The following KALRN variants were observed in gnomAD, a reference collection of about 807,000 sequenced individuals.
KALRN encodes kalirin RhoGEF kinase.
In KALRN, 70 loss-of-function variants were observed where a neutral mutation model predicts 353.7. The ratio of observed to expected loss-of-function variants is 0.20; its 90% CI spans 0.16 to 0.24. The LOEUF (loss-of-function observed/expected upper bound fraction) is 0.24. KALRN is among the 10% of genes least tolerant of loss of function. The probability of loss-of-function intolerance (pLI) is 1.00; values close to 1 mark genes in which losing one functional copy is unlikely to be tolerated. For synonymous variants in KALRN, 1,391 were observed against 1,434.8 expected (o/e 0.97, Z 0.69); for missense variants, 2,791 against 3,756.7 (o/e 0.74, Z 6.72).
intron 1 of KALRN, among the ~76,000 whole-genome samples, chr3:124,181,099 A>AAAAAAAAAAAAAAAT: frequency 1.3e-5 from 2 of 150,116 alleles, no homozygotes; most frequent in African/African-American, 4.9e-5. Context: ...AAAAAAAAAA[A>AAAAAAAAAAAAAAAT]AATTAGCCAG....
intron 1 of KALRN, among the ~76,000 whole-genome samples, chr3:124,120,740 A>ATATC (rs67991428): frequency 7.1e-6 from 1 of 141,780 alleles, no homozygotes; most frequent in Non-Finnish European, 1.5e-5. Context: ...ATATATATAT[A>ATATC]TATATTTTCA....
chr3:124,091,861 A>G (rs1412035199), intron 1 of KALRN, among the ~76,000 whole-genome samples: 2 of 152,214 alleles, frequency 1.3e-5, no homozygotes, highest in African/African-American at 4.8e-5. Flanking sequence ...CCTGGCCAAT[A>G]TCCTTTCTAA....
At chr3:124,255,059 C>A (rs1304830148) in intron 3 of KALRN, among the ~76,000 whole-genome samples, 3 of 152,142 alleles carry the variant, frequency 2.0e-5, no homozygotes, top group Non-Finnish European at 4.4e-5. Context: ...AATTCTCCTG[C>A]CTCAGCCTCT....
chr3:124,180,407 CA>C (rs2073410687), intron 1 of KALRN, among the ~76,000 whole-genome samples: 1 of 150,966 alleles, frequency 6.6e-6, no homozygotes, highest in African/African-American at 2.4e-5. Flanking sequence ...CAGCTTTCAT[CA>C]AGAAAGGTAG....
chr3:124,545,957 A>G (rs1331699318), intron 33 of KALRN, among the ~76,000 whole-genome samples: 1 of 152,186 alleles, frequency 6.6e-6, no homozygotes, highest in East Asian at 1.9e-4. Context: ...CAGAGATCAC[A>G]CATAGGAATT....
chr3:124,110,467 GCGCACA>G (rs1232676683), intron 1 of KALRN, among the ~76,000 whole-genome samples: 31 of 54,250 alleles, frequency 5.7e-4, no homozygotes, highest in Admixed American at 1.0e-3. Flanking sequence ...ATACACACGC[GCGCACA>G]CACACACACA....
At position 124,300,352 on chromosome 3, in the gene KALRN, G is replaced by A. The variant is rs894490438; in HGVS notation, c.1092+1439G>A. On this transcript the variant is annotated intron_variant, in intron 6 of 59. Coordinates refer to ENST00000682506, the MANE Select transcript of KALRN (RefSeq NM_001388419.1). ...AATGTCAGTGGTTGAAAACAACAGA[G>A]GTTTGTTTATTGTTCCTACCACACA... Among the ~76,000 whole-genome samples the A allele has an allele frequency of 2.6e-5, 4 of 152,170 alleles. No homozygotes were observed. The East Asian group carries it at 5.8e-4, about 22-fold the overall frequency.
At chr3:124,079,372 T>C (rs1306641686) in intron 1 of KALRN, among the ~76,000 whole-genome samples, 2 of 152,264 alleles carry the variant, frequency 1.3e-5, no homozygotes, top group Non-Finnish European at 2.9e-5. Flanking sequence ...AGAAAGATTA[T>C]GAATGATACT....
chr3:124,495,915 T>G, intron 32 of KALRN, among the ~76,000 whole-genome samples: 1 of 130,268 alleles, frequency 7.7e-6, no homozygotes, highest in Non-Finnish European at 1.6e-5. Flanking sequence ...ATATATATCT[T>G]CCTACTGCCT....
chr3:124,563,540 G>A (rs537928773), intron 34 of KALRN, among the ~76,000 whole-genome samples: 2 of 152,272 alleles, frequency 1.3e-5, no homozygotes, highest in African/African-American at 4.8e-5. Flanking sequence ...GCACACCCAG[G>A]GAGGAGCCAC....
chr3:124,576,122 C>A (rs2074065088), intron 34 of KALRN, among the ~76,000 whole-genome samples: 1 of 151,740 alleles, frequency 6.6e-6, no homozygotes, highest in African/African-American at 2.4e-5. Flanking sequence ...ACACTTCCTT[C>A]TGCTTGAATG....
At chr3:124,626,377 A>T (rs754718426) in intron 34 of KALRN, among the ~76,000 whole-genome samples, 1 of 152,198 alleles carries the variant, frequency 6.6e-6, no homozygotes, top group Admixed American at 6.5e-5. Context: ...TTTATTTTTA[A>T]AAAACTTGGA....
chr3:124,633,998 C>G, intron 36 of KALRN, 45 bp downstream of exon 36: 8 of 1,503,874 alleles, frequency 5.3e-6, no homozygotes, highest in Non-Finnish European at 7.4e-6. Flanking sequence ...ACGTGCCGTG[C>G]GTGATTTTGT....
At chr3:124,650,193 T>C (rs751131496) in intron 37 of KALRN, among the ~76,000 whole-genome samples, 27 of 152,168 alleles carry the variant, frequency 1.8e-4, no homozygotes, top group Non-Finnish European at 2.8e-4. Context: ...TTGAATATTT[T>C]TATCGTTAAC....
intron 37 of KALRN, among the ~76,000 whole-genome samples, chr3:124,646,289 T>C (rs1381947731): frequency 6.6e-6 from 1 of 152,158 alleles, no homozygotes; most frequent in African/African-American, 2.4e-5. Context: ...TCTCTAGGGT[T>C]AATGCTTAAA....
chr3:124,552,186 A>C (rs887267665), intron 33 of KALRN, among the ~76,000 whole-genome samples: 2 of 152,232 alleles, frequency 1.3e-5, no homozygotes, highest in Non-Finnish European at 2.9e-5. Flanking sequence ...AGTGACCAGG[A>C]GTATTTGCTT....
At chr3:124,406,647 G>A (rs914279784) in intron 13 of KALRN, among the ~76,000 whole-genome samples, 4 of 152,064 alleles carry the variant, frequency 2.6e-5, no homozygotes, top group Non-Finnish European at 5.9e-5. Context: ...CTTCCTACTG[G>A]TAATTGGAAT....
intron 23 of KALRN, among the ~76,000 whole-genome samples, chr3:124,458,474 A>G (rs2059553698): frequency 2.6e-5 from 4 of 151,816 alleles, no homozygotes; most frequent in Non-Finnish European, 5.9e-5. Flanking sequence ...CCTTTTATGA[A>G]CTCCTTTACT....
At chr3:124,186,036 G>A (rs2074185146) in intron 1 of KALRN, among the ~76,000 whole-genome samples, 1 of 152,158 alleles carries the variant, frequency 6.6e-6, no homozygotes, top group Admixed American at 6.5e-5. Flanking sequence ...CACTTTCATG[G>A]TGAGCTGGAA....
Sources: gnomAD v4.1 joint callset for allele counts (sites outside exome capture counted in the v4.1 genomes callset) on GRCh38, gnomAD v4.1.1 for gene constraint, MANE v1.5 for transcripts, NCBI Gene and HGNC (gene_info 2026-07-23, HGNC 2026-07-21) for gene names.